Variants in PLXNA4 observed in about 807,000 individuals in gnomAD.
PLXNA4 encodes the protein plexin-A4.
A neutral mutation model predicts 191.8 loss-of-function variants in PLXNA4; 44 were observed. The observed-to-expected ratio is 0.23, with a 90% CI of 0.18 to 0.29. The LOEUF (loss-of-function observed/expected upper bound fraction) is 0.29. Among genes scored for constraint, PLXNA4 ranks in the 10% least tolerant of loss-of-function variants. PLXNA4 has a pLI of 1.00. For synonymous variants in PLXNA4, 1,082 were observed against 1,009.5 expected (o/e 1.07, Z -1.36); for missense variants, 1,800 against 2,488.8 (o/e 0.72, Z 5.89).
At chr7:132,278,359 C>A (rs555535059) in intron 4 of PLXNA4, among the ~76,000 whole-genome samples, 1 of 152,198 alleles carries the variant, frequency 6.6e-6, no homozygotes, top group African/African-American at 2.4e-5. Flanking sequence ...GGGAGGCAGA[C>A]TCTTCTGGAT....
In PLXNA4 at chr7:132,634,594, G is replaced by A. The variant is rs112307154; in HGVS notation, c.-87+11334C>T. 2.5e-3 allele frequency among the ~76,000 whole-genome samples: 384 copies of A among 152,184 alleles called. 1 individual carries two copies. Among genetic ancestry groups the A allele is most frequent in the African/African-American group, 8.7e-3 (362 of 41,506 alleles). ...ACTTCCTCTAGATCACTGAACAAGCGCCCCTGGGCCTTTGCACATGCTGTT... is the reference window on the plus strand; with the variant it reads ...ACTTCCTCTAGATCACTGAACAAGCACCCCTGGGCCTTTGCACATGCTGTT... On this transcript the variant is annotated intron_variant, in intron 2 of 4. Coordinates refer to the PLXNA4 transcript ENST00000378539.
At position 132,201,287 on chromosome 7, in the gene PLXNA4, G is replaced by A. The variant is rs183748025; in HGVS notation, c.2586+1359C>T. On this transcript the variant is annotated intron_variant, in intron 12 of 31. Transcript: ENST00000321063. ...AACGGCAGGACGATCCATTTCTGTC[G>A]TGCAAGCTGCCTAGTCTGCAGTACC... Among the ~76,000 whole-genome samples the A allele has an allele frequency of 1.3e-3, 201 of 152,210 alleles. 1 individual carries two copies. The highest frequency in any genetic ancestry group is 2.0e-3 in the Admixed American group (31 of 15,278).
Position 132,123,921 on chromosome 7 carries a change from G to A in PLXNA4, c.*6558C>T, listed in dbSNP as rs1794702477. On this transcript the variant is annotated 3_prime_UTR_variant, in exon 32 of 32. Transcript: ENST00000321063. ...AACCCCTGCATCATCCCCACACGTC[G>A]GCTCGCTGAGCCATTGTCTGTTGTG... The A allele has an allele frequency of 1.3e-5, 2 of 152,192 alleles. No homozygotes were observed. Among genetic ancestry groups the A allele is most frequent in the African/African-American group, 4.8e-5 (2 of 41,414 alleles). 9.4% of individuals were successfully genotyped at this position (152,192 alleles called of 1,614,324 possible). A position where few individuals can be genotyped will look rare whatever the true frequency, so the allele number is the denominator to read the frequency against.
At chr7:132,300,832 C>T (rs998140627) in intron 3 of PLXNA4, among the ~76,000 whole-genome samples, 1 of 152,390 alleles carries the variant, frequency 6.6e-6, no homozygotes, top group Non-Finnish European at 1.5e-5. Context: ...GCAGGGTCCC[C>T]AGGGGAGTGC....
intron 2 of PLXNA4, among the ~76,000 whole-genome samples, chr7:132,597,271 T>C (rs1298625823): frequency 2.0e-5 from 3 of 152,192 alleles, no homozygotes; most frequent in Non-Finnish European, 4.4e-5. Flanking sequence ...TCTCCCCCAA[T>C]AGTTTGTTGT....
intron 3 of PLXNA4, among the ~76,000 whole-genome samples, chr7:132,444,233 GTGT>G (rs200460841): frequency 6.6e-6 from 1 of 152,188 alleles, no homozygotes; most frequent in Admixed American, 6.5e-5. Context: ...TTTGGCTCAG[GTGT>G]TGTTGTCAGA....
intron 24 of PLXNA4, among the ~76,000 whole-genome samples, chr7:132,161,543 G>A (rs184157567): frequency 6.6e-6 from 1 of 152,340 alleles, no homozygotes; most frequent in Non-Finnish European, 1.5e-5. Context: ...ATCTGATCTA[G>A]GAGGTCTGGG....
intron 3 of PLXNA4, among the ~76,000 whole-genome samples, chr7:132,360,856 C>G (rs779151071): frequency 6.6e-6 from 1 of 152,200 alleles, no homozygotes; most frequent in African/African-American, 2.4e-5. Context: ...TCAAGTCTAC[C>G]GAGTGCATTC....
intron 1 of PLXNA4, among the ~76,000 whole-genome samples, chr7:132,543,798 G>A (rs1315779706): frequency 6.6e-6 from 1 of 152,194 alleles, no homozygotes; most frequent in Non-Finnish European, 1.5e-5. Flanking sequence ...AAGATGAATT[G>A]GACACTTACG....
At chr7:132,581,166 T>C (rs543506875), upstream of PLXNA4, among the ~76,000 whole-genome samples, 2 of 152,348 alleles carry the variant, frequency 1.3e-5, no homozygotes, top group South Asian at 4.1e-4. Flanking sequence ...AGGGACTAAG[T>C]GGACCTCTAA....
rs764531254 is a variant in PLXNA4, at chr7:132,179,741, G to C, written c.3820C>G (p.Leu1274Val). 2.0e-5 allele frequency: 33 copies of C among 1,614,048 alleles called. No individual in the cohort carries two copies. Among genetic ancestry groups the C allele is most frequent in the Non-Finnish European group, 2.8e-5 (33 of 1,180,026 alleles). ...TCCAGGTTGTCCATCTGCATCTGCA[G>C]CCGCTTCAGCGTGAGGTCACTTTCG... The part of the protein sequence containing the change: ...SRESDLTLKR[L>V]QMQMDNLESR... Residue 1274 changes from leucine to valine, a missense_variant, in exon 20 of 32, where the codon CTG (leucine) becomes GTG (valine). Coordinates refer to ENST00000321063, the MANE Select transcript of PLXNA4 (RefSeq NM_020911.2).
At chr7:132,327,111 A>AGGAGGGAG (rs1802402773) in intron 3 of PLXNA4, among the ~76,000 whole-genome samples, 1 of 146,044 alleles carries the variant, frequency 6.8e-6, no homozygotes, top group African/African-American at 2.5e-5. Flanking sequence ...GGAGAAAGAA[A>AGGAGGGAG]TGTGGAAGGA....
At chr7:132,633,847 C>T (rs565965614) in intron 2 of PLXNA4, among the ~76,000 whole-genome samples, 2 of 152,184 alleles carry the variant, frequency 1.3e-5, no homozygotes, top group South Asian at 2.1e-4. Context: ...TGTGATTCGC[C>T]TCCTCCCATC....
intron 2 of PLXNA4, among the ~76,000 whole-genome samples, chr7:132,622,404 G>T (rs115452069): frequency 0.012 from 1,854 of 152,248 alleles, 49 homozygotes; most frequent in African/African-American, 0.042. Context: ...TTGTGGTGAG[G>T]ATTAGCTCAT....
intron 1 of PLXNA4, among the ~76,000 whole-genome samples, chr7:132,550,962 T>C (rs536025039): frequency 3.9e-5 from 6 of 152,302 alleles, no homozygotes; most frequent in Admixed American, 2.6e-4. Context: ...TTCTCTCCCT[T>C]TGCTAGAGCA....
chr7:132,270,052 C>T (rs952443173), intron 4 of PLXNA4, among the ~76,000 whole-genome samples: 4 of 152,290 alleles, frequency 2.6e-5, no homozygotes, highest in Non-Finnish European at 4.4e-5. Flanking sequence ...CTAAACTCAT[C>T]GTCCTAAATG....
chr7:132,146,828 G>C (rs1435349902), intron 27 of PLXNA4, 128 bp from the exon 28 acceptor site: 1 of 1,499,686 alleles, frequency 6.7e-7, no homozygotes, highest in East Asian at 2.3e-5. Flanking sequence ...GGTCGGTGCT[G>C]TCACCTTGCC....
At chr7:132,349,059 C>T (rs937657884) in intron 3 of PLXNA4, among the ~76,000 whole-genome samples, 1 of 152,114 alleles carries the variant, frequency 6.6e-6, no homozygotes, top group Non-Finnish European at 1.5e-5. Flanking sequence ...ACACTGGTAG[C>T]CATCCAACGC....
intron 3 of PLXNA4, among the ~76,000 whole-genome samples, chr7:132,355,521 G>C (rs1803662596): frequency 1.3e-5 from 2 of 152,180 alleles, no homozygotes; most frequent in South Asian, 2.1e-4. Flanking sequence ...AAATGAGACT[G>C]TTGGGTGCTC....
Sources: allele counts gnomAD v4.1 joint callset (sites outside exome capture counted in the v4.1 genomes callset), GRCh38; gene constraint gnomAD v4.1.1; transcripts MANE v1.5; gene names NCBI Gene and HGNC (gene_info 2026-07-23, HGNC 2026-07-21).